The following RGL1 variants were observed in gnomAD, a reference collection of about 807,000 sequenced individuals.
The protein encoded by RGL1 is ral guanine nucleotide dissociation stimulator-like 1.
Under a neutral mutation model 95.2 loss-of-function variants are expected in RGL1, and 24 were observed. That is an observed-to-expected ratio of 0.25 (90% confidence interval 0.18 to 0.35). The LOEUF is 0.35. Ranked by LOEUF, RGL1 falls within the 10% of genes least tolerant of loss-of-function variation. RGL1 has a pLI of 1.00. For synonymous variants in RGL1, 329 were observed against 344.9 expected, an observed-to-expected ratio of 0.95 and a Z score of 0.51; for missense variants, 715 against 936.3, an observed-to-expected ratio of 0.76 and a Z score of 3.08.
intron 3 of RGL1, among the ~76,000 whole-genome samples, chr1:183,860,247 C>T (rs1161649629): frequency 6.6e-6 from 1 of 152,180 alleles, no homozygotes; most frequent in Non-Finnish European, 1.5e-5. Context: ...CCCAACTCTT[C>T]CCGCCCCAGC....
intron 2 of RGL1, among the ~76,000 whole-genome samples, chr1:183,775,773 T>C (rs1344462588): frequency 6.6e-6 from 1 of 152,240 alleles, no homozygotes; most frequent in Non-Finnish European, 1.5e-5. Context: ...TATTTCCGTT[T>C]TTCTTCACTT....
chr1:183,715,343 C>T (rs780039116), intron 1 of RGL1, among the ~76,000 whole-genome samples: 1 of 152,034 alleles, frequency 6.6e-6, no homozygotes, highest in African/African-American at 2.4e-5. Context: ...CTGATTGTTA[C>T]ACAACCAACC....
intron 3 of RGL1, among the ~76,000 whole-genome samples, chr1:183,856,692 A>G (rs1346117011): frequency 6.6e-6 from 1 of 151,278 alleles, no homozygotes; most frequent in Non-Finnish European, 1.5e-5. Context: ...TTGCTGAAAG[A>G]TAAATTGGAC....
At chr1:183,640,016 A>G (rs1649816152) in intron 1 of RGL1, among the ~76,000 whole-genome samples, 1 of 151,878 alleles carries the variant, frequency 6.6e-6, no homozygotes, top group African/African-American at 2.4e-5. Context: ...TAATTTTTAT[A>G]TTTTTAGTAG....
chr1:183,779,158 C>CCTT (rs1659751103), intron 2 of RGL1, among the ~76,000 whole-genome samples: 1 of 91,766 alleles, frequency 1.1e-5, no homozygotes, highest in Non-Finnish European at 2.3e-5. Context: ...TCAAAATTTT[C>CCTT]CCTTCCTTCC....
chr1:183,894,137 T>C (rs766793350), intron 9 of RGL1, among the ~76,000 whole-genome samples: 3 of 152,200 alleles, frequency 2.0e-5, no homozygotes, highest in Non-Finnish European at 4.4e-5. Context: ...TGGAAGGAGA[T>C]GGCTTAGTGG....
In RGL1 at chr1:183,724,793, A is replaced by G. The variant is rs562750856; in HGVS notation, c.-32-17333A>G. Among the ~76,000 whole-genome samples, 3 of 152,168 alleles carry G rather than the reference A, an allele frequency of 2.0e-5. No homozygotes were observed. The highest frequency in any genetic ancestry group is 2.0e-4 in the Admixed American group (3 of 15,294). On this transcript the variant is annotated intron_variant, in intron 1 of 18. Coordinates refer to the RGL1 transcript ENST00000304685. This position sits in a 1 kb window ranked among gnomAD's most constrained non-coding sequence, Gnocchi z 4.1. Reference sequence around the variant, plus strand: ...GCATGGCTGTTTTCACCACCTGCTAATTATAGAACCTTAGGGCCTTGAGTG... The same window carrying G: ...GCATGGCTGTTTTCACCACCTGCTAGTTATAGAACCTTAGGGCCTTGAGTG...
intron 1 of RGL1, among the ~76,000 whole-genome samples, chr1:183,650,347 T>C (rs1426863971): frequency 6.6e-6 from 1 of 151,980 alleles, no homozygotes. Context: ...ATGGAGACAA[T>C]CCTGGCTAAC....
intron 1 of RGL1, among the ~76,000 whole-genome samples, chr1:183,700,346 A>G (rs1256280172): frequency 2.0e-5 from 3 of 151,962 alleles, no homozygotes; most frequent in Non-Finnish European, 4.4e-5. Flanking sequence ...TTCCAGGAGC[A>G]TCTGTATAGT....
chr1:183,754,711 A>G (rs1658227672), intron 2 of RGL1: 1 of 152,218 alleles, frequency 6.6e-6, no homozygotes, highest in South Asian at 2.1e-4. Flanking sequence ...GATGTGAGGG[A>G]TGTGTGATGG....
intron 3 of RGL1, among the ~76,000 whole-genome samples, chr1:183,855,575 C>T (rs115218612): frequency 0.014 from 2,079 of 152,272 alleles, 41 homozygotes; most frequent in African/African-American, 0.046. Context: ...TATCTTTCCT[C>T]TCCTCTTCCA....
At chr1:183,897,329 T>C (rs1000395040) in intron 9 of RGL1, among the ~76,000 whole-genome samples, 2 of 151,314 alleles carry the variant, frequency 1.3e-5, no homozygotes, top group Non-Finnish European at 2.9e-5. Flanking sequence ...AGATCAGGAG[T>C]TCAAGACCAG....
At chr1:183,714,423 T>C (rs185047536) in intron 1 of RGL1, among the ~76,000 whole-genome samples, 280 of 152,312 alleles carry the variant, frequency 1.8e-3, no homozygotes, top group Non-Finnish European at 2.6e-3. Context: ...TTTGCCAGCA[T>C]GCACAGAAAC....
At chr1:183,795,708 A>G (rs1399255023) in intron 2 of RGL1, among the ~76,000 whole-genome samples, 2 of 152,232 alleles carry the variant, frequency 1.3e-5, no homozygotes, top group African/African-American at 2.4e-5. Flanking sequence ...AGAACAGGAA[A>G]GGATAGTATG....
chr1:183,661,422 A>G (rs1007544219), intron 1 of RGL1, among the ~76,000 whole-genome samples: 7 of 152,226 alleles, frequency 4.6e-5, no homozygotes, highest in Non-Finnish European at 7.3e-5. Context: ...AGAGAATACT[A>G]CAAACACCTC....
At chr1:183,703,001 C>T (rs543712411) in intron 1 of RGL1, among the ~76,000 whole-genome samples, 25 of 152,266 alleles carry the variant, frequency 1.6e-4, no homozygotes, top group Non-Finnish European at 2.9e-4. Context: ...GTACCTCTCT[C>T]GGTCTTCAGG....
chr1:183,705,931 G>A (rs1400323173), intron 1 of RGL1, among the ~76,000 whole-genome samples: 1 of 152,140 alleles, frequency 6.6e-6, no homozygotes, highest in Non-Finnish European at 1.5e-5. Context: ...TCTGTGATAG[G>A]AACTGGGTGG....
intron 2 of RGL1, among the ~76,000 whole-genome samples, chr1:183,843,078 C>T (rs1032249078): frequency 6.6e-6 from 1 of 152,300 alleles, no homozygotes; most frequent in East Asian, 1.9e-4. Flanking sequence ...GTCATCAGAT[C>T]TTTCCCCTGC....
upstream of RGL1, among the ~76,000 whole-genome samples, chr1:183,801,461 T>C (rs1051813396): frequency 2.6e-5 from 4 of 152,168 alleles, no homozygotes; most frequent in African/African-American, 7.2e-5. Context: ...ATTCACTCTA[T>C]TGATTGTTTC....
Sources: allele counts gnomAD v4.1 joint callset (sites outside exome capture counted in the v4.1 genomes callset), GRCh38; gene constraint gnomAD v4.1.1; non-coding constraint Gnocchi (gnomAD v3.1); transcripts MANE v1.5; gene names NCBI Gene and HGNC (gene_info 2026-07-23, HGNC 2026-07-21).